Variants in IFT88 observed in about 807,000 individuals in gnomAD.
The protein encoded by IFT88 is intraflagellar transport protein 88 homolog.
IFT88 carries 74 observed loss-of-function variants against 119.5 expected under a neutral mutation model. That is an observed-to-expected ratio of 0.62 (90% confidence interval 0.51 to 0.75). IFT88 has a LOEUF of 0.75. IFT88 is among the 30% of genes least tolerant of loss of function. The pLI, the probability that IFT88 is intolerant of heterozygous loss-of-function variation, is 0.00. For synonymous variants in IFT88, 279 were observed against 316.7 expected, an observed-to-expected ratio of 0.88 and a Z score of 1.26; for missense variants, 961 against 977.7, an observed-to-expected ratio of 0.98 and a Z score of 0.23.
At chr13:20,660,932 CTGT>C (rs2053676352) in intron 22 of IFT88, among the ~76,000 whole-genome samples, 1 of 152,082 alleles carries the variant, frequency 6.6e-6, no homozygotes, top group Non-Finnish European at 1.5e-5. Context: ...TTTTTGTGCT[CTGT>C]TATTATATAT....
intron 2 of IFT88, among the ~76,000 whole-genome samples, chr13:20,581,256 A>G (rs968642650): frequency 4.6e-5 from 7 of 152,244 alleles, no homozygotes; most frequent in African/African-American, 1.7e-4. Context: ...TAAGATATTC[A>G]TAGAAGATGC....
chr13:20,638,892 CAT>C (rs2049432908), intron 17 of IFT88, among the ~76,000 whole-genome samples: 2 of 152,188 alleles, frequency 1.3e-5, no homozygotes. Context: ...CAATTTCAAA[CAT>C]GCACAAAAGT....
intron 5 of IFT88, 49 bp from the exon 6 acceptor site, chr13:20,591,569 T>C (rs767530715): frequency 8.6e-6 from 12 of 1,398,798 alleles, no homozygotes; most frequent in Non-Finnish European, 1.2e-5. Flanking sequence ...GAACTGTACA[T>C]AGGAGATAGA....
chr13:20,567,868 G>T (rs1235037163), intron 1 of IFT88: 235 of 656,772 alleles, frequency 3.6e-4, no homozygotes, highest in Middle Eastern at 4.2e-4. Context: ...TTTTTTGTTT[G>T]TTTTTTTTTT....
At chr13:20,666,547 T>G (rs751647500) in intron 23 of IFT88, among the ~76,000 whole-genome samples, 4 of 152,202 alleles carry the variant, frequency 2.6e-5, no homozygotes, top group Non-Finnish European at 5.9e-5. Flanking sequence ...TGGTCACAGA[T>G]TCATAATAAA....
At chr13:20,584,770 T>C (rs1218515959) in intron 3 of IFT88, among the ~76,000 whole-genome samples, 2 of 152,216 alleles carry the variant, frequency 1.3e-5, no homozygotes, top group Non-Finnish European at 2.9e-5. Flanking sequence ...TATTCCTTTT[T>C]GGAATGCTGC....
In IFT88 at chr13:20,691,158, G is replaced by A. The variant is rs532025198; in HGVS notation, c.2458G>A (p.Asp820Asn). 8 of 1,613,196 alleles carry A rather than the reference G, an allele frequency of 5.0e-6. No individual in the cohort carries two copies. The African/African-American group carries it at 9.3e-5, about 19-fold the overall frequency. Residue 820 changes from aspartate to asparagine, a missense_variant, in exon 26 of 26, where the codon GAT becomes AAT. Physicochemically the swap from Asp to Asn is conservative, Grantham distance 23. Coordinates refer to ENST00000351808, the MANE Select transcript of IFT88 (RefSeq NM_006531.5). The part of the protein sequence containing the change: ...DDFADEELGD[D>N]LLPE Reference sequence around the variant, plus strand: ...TTTTGCTGATGAAGAATTAGGAGATGATTTGCTTCCAGAATAATATTCACT... The same window carrying A: ...TTTTGCTGATGAAGAATTAGGAGATAATTTGCTTCCAGAATAATATTCACT...
chr13:20,607,925 A>C, intron 13 of IFT88: 2 of 665,114 alleles, frequency 3.0e-6, no homozygotes, highest in Admixed American at 3.8e-5. Flanking sequence ...GTCTTCCTCT[A>C]CAAGACCAAG....
chr13:20,688,877 C>T (rs2058215460), intron 24 of IFT88, among the ~76,000 whole-genome samples: 2 of 152,132 alleles, frequency 1.3e-5, no homozygotes, highest in Non-Finnish European at 2.9e-5. Context: ...TAGGTGCATG[C>T]CACTCTGCCC....
chr13:20,690,081 A>G (rs1037565092), intron 24 of IFT88, among the ~76,000 whole-genome samples: 3 of 152,148 alleles, frequency 2.0e-5, no homozygotes, highest in Admixed American at 6.5e-5. Context: ...TCTTGTTCTG[A>G]TTTATTCCCA....
At chr13:20,585,871 G>A (rs995795201) in intron 3 of IFT88, among the ~76,000 whole-genome samples, 1 of 152,048 alleles carries the variant, frequency 6.6e-6, no homozygotes, top group Non-Finnish European at 1.5e-5. Context: ...CCTTCATTAC[G>A]GGAAGAAAAA....
chr13:20,615,767 A>G (rs1312698149), intron 13 of IFT88, 26 bp from the exon 14 acceptor site: 1 of 1,380,768 alleles, frequency 7.2e-7, no homozygotes, highest in Admixed American at 2.0e-5. Context: ...ATCTCTAAAT[A>G]CAACTTTTTG....
intron 24 of IFT88, among the ~76,000 whole-genome samples, chr13:20,681,219 C>T (rs1350164891): frequency 6.6e-6 from 1 of 152,218 alleles, no homozygotes. Flanking sequence ...CTGGAATGCA[C>T]ATGACCGTGA....
rs1491359129 is a variant in IFT88, at chr13:20,651,421, CTT to C, written c.1950-2454_1950-2453del. 7.9e-4 allele frequency among the ~76,000 whole-genome samples: 115 copies of C among 145,880 alleles called. 2 individuals carry two copies. In the South Asian group the frequency reaches 0.021, roughly 27 times the overall value. The stretch of plus-strand genomic sequence containing the variant: ...AGCTGAGGCTCAAACAGATCAGATA[CTT>C]ACACATGTTTGTGTAAGTATCTGAT... On this transcript the variant is annotated intron_variant, in intron 20 of 25. Transcript: ENST00000351808.
chr13:20,658,185 C>G (rs1483231577), intron 22 of IFT88, among the ~76,000 whole-genome samples: 1 of 151,988 alleles, frequency 6.6e-6, no homozygotes, highest in East Asian at 1.9e-4. Context: ...CAACCTCTGC[C>G]TCCTGGGTTG....
Position 20,604,908 on chromosome 13 carries a change from A to G in IFT88, c.1042-127A>G, listed in dbSNP as rs1226888614. 17 of 465,034 alleles carry G rather than the reference A, an allele frequency of 3.7e-5. No individual in the cohort carries two copies. In the East Asian group the frequency reaches 6.6e-4, roughly 18 times the overall value. 28.8% of individuals were successfully genotyped at this position (465,034 alleles called of 1,614,324 possible). ...GAGGTGGAGGCTGCAGTGAGCCATG[A>G]TCATGCCACTGCACTGCAGCCTGGG... On this transcript the variant is annotated intron_variant, in intron 12 of 25. Transcript: ENST00000351808.
chr13:20,639,280 T>C (rs1046271494), intron 17 of IFT88, among the ~76,000 whole-genome samples: 6 of 152,210 alleles, frequency 3.9e-5, no homozygotes, highest in African/African-American at 1.4e-4. Flanking sequence ...GGCTGTCTCC[T>C]GGTATTCAGG....
chr13:20,613,952 T>TAGATTAGTGG (rs146600840), intron 13 of IFT88, among the ~76,000 whole-genome samples: 150,797 of 152,202 alleles, frequency 0.99, 74,713 homozygotes, highest in East Asian at 1. Context: ...TCTATAAAGA[T>TAGATTAGTGG]TTGCCAGGGA....
At chr13:20,668,205 G>A (rs2055085153) in intron 23 of IFT88, among the ~76,000 whole-genome samples, 2 of 152,166 alleles carry the variant, frequency 1.3e-5, no homozygotes, top group Admixed American at 1.3e-4. Flanking sequence ...CCTGTTGCCT[G>A]GTGGGATTGC....
Sources: gnomAD v4.1 joint callset for allele counts (sites outside exome capture counted in the v4.1 genomes callset) on GRCh38, gnomAD v4.1.1 for gene constraint, MANE v1.5 for transcripts, NCBI Gene and HGNC (gene_info 2026-07-23, HGNC 2026-07-21) for gene names.